Variants in BABAM2 observed in about 807,000 individuals in gnomAD.
BABAM2 encodes BRISC and BRCA1 A complex member 2.
BABAM2 carries 31 observed loss-of-function variants against 54.7 expected under a neutral mutation model. That is an observed-to-expected ratio of 0.57 (90% CI 0.43 to 0.77). The LOEUF is 0.77. Among genes scored for constraint, BABAM2 ranks in the 30% least tolerant of loss-of-function variants. The pLI is 0.00. For missense variants in BABAM2, 364 were observed against 455.8 expected, an observed-to-expected ratio of 0.80 and a Z score of 1.83; for synonymous variants, 167 against 162.9, an observed-to-expected ratio of 1.03 and a Z score of -0.19.
upstream of BABAM2, chr2:27,890,418 A>T: frequency 1.4e-6 from 2 of 1,429,606 alleles, no homozygotes; most frequent in Non-Finnish European, 1.9e-6. The surrounding 1 kb of genome is among the most constrained non-coding windows in gnomAD (Gnocchi z 4.8). Context: ...CAGAGACGCC[A>T]CTCCTGCCCT....
intron 7 of BABAM2, among the ~76,000 whole-genome samples, chr2:28,222,436 G>A (rs1171301021): frequency 1.3e-5 from 2 of 152,172 alleles, no homozygotes; most frequent in African/African-American, 2.4e-5. Context: ...GTGATTCCAC[G>A]TGAGTCTGAG....
chr2:27,937,869 A>G (rs1261349544), intron 3 of BABAM2, among the ~76,000 whole-genome samples: 1 of 152,216 alleles, frequency 6.6e-6, no homozygotes, highest in Non-Finnish European at 1.5e-5. Flanking sequence ...TTTTCCAAAA[A>G]ATTCTTACTG....
chr2:28,026,865 T>TATATATAA (rs1675788045), intron 5 of BABAM2, among the ~76,000 whole-genome samples: 89 of 49,566 alleles, frequency 1.8e-3, no homozygotes, highest in Admixed American at 2.9e-3. Flanking sequence ...TATATATAGA[T>TATATATAA]ATATATATTT....
At chr2:28,184,280 CT>C (rs1417219668) in intron 7 of BABAM2, among the ~76,000 whole-genome samples, 1 of 123,124 alleles carries the variant, frequency 8.1e-6, no homozygotes, top group Non-Finnish European at 1.7e-5. Flanking sequence ...CTCTCTCTCT[CT>C]CTCTCCCCCC....
chr2:28,045,645 A>T, intron 5 of BABAM2, 80 bp from the exon 6 acceptor site: 1 of 1,268,884 alleles, frequency 7.9e-7, no homozygotes, highest in Non-Finnish European at 1.1e-6. Flanking sequence ...GAACAGGTTG[A>T]ACTTGTGGCC....
At chr2:27,897,427 C>G (rs1665422638) in intron 2 of BABAM2, among the ~76,000 whole-genome samples, 1 of 152,090 alleles carries the variant, frequency 6.6e-6, no homozygotes, top group African/African-American at 2.4e-5. Flanking sequence ...ACTTATGGAG[C>G]ATTTACTATT....
intron 10 of BABAM2, among the ~76,000 whole-genome samples, chr2:28,251,411 A>T (rs936450630): frequency 6.6e-6 from 1 of 152,218 alleles, no homozygotes; most frequent in Non-Finnish European, 1.5e-5. Context: ...TTATTGCTAC[A>T]AATGCTTCTG....
chr2:28,306,550 A>AT (rs1386488209), intron 11 of BABAM2, among the ~76,000 whole-genome samples: 146 of 151,732 alleles, frequency 9.6e-4, no homozygotes, highest in African/African-American at 3.5e-3. Context: ...TCTTCTGTGT[A>AT]TTTTTTACAT....
At chr2:28,327,307 GT>G in intron 11 of BABAM2, 2 of 1,611,774 alleles carry the variant, frequency 1.2e-6, no homozygotes, top group Non-Finnish European at 1.7e-6. Context: ...CCTGCAGCCC[GT>G]GGGAGCAAGT....
chr2:28,154,110 C>T (rs1056346456), intron 7 of BABAM2, among the ~76,000 whole-genome samples: 7 of 152,142 alleles, frequency 4.6e-5, no homozygotes, highest in Admixed American at 1.3e-4. Context: ...CTTCCTGGGT[C>T]GTAGATCACT....
intron 1 of BABAM2, among the ~76,000 whole-genome samples, chr2:27,891,879 A>G (rs1388975988): frequency 1.3e-5 from 2 of 152,152 alleles, no homozygotes. Context: ...GTTGTCACTT[A>G]GTATGGTTTG....
chr2:28,152,230 T>C (rs1672122709), intron 7 of BABAM2, among the ~76,000 whole-genome samples: 2 of 152,220 alleles, frequency 1.3e-5, no homozygotes, highest in Non-Finnish European at 2.9e-5. Context: ...GCCATGTGCC[T>C]CTAAGAGCTT....
intron 7 of BABAM2, among the ~76,000 whole-genome samples, chr2:28,192,602 A>G: frequency 6.8e-6 from 1 of 148,130 alleles, no homozygotes; most frequent in African/African-American, 2.5e-5. Context: ...GCTCACTGCA[A>G]CCTCTGCCTC....
At chr2:28,136,273 C>T (rs1386962691) in intron 7 of BABAM2, among the ~76,000 whole-genome samples, 2 of 152,200 alleles carry the variant, frequency 1.3e-5, no homozygotes, top group African/African-American at 2.4e-5. Context: ...ATTTCCTGAC[C>T]GCCACTGCCT....
chr2:28,297,486 A>T (rs368978606), intron 10 of BABAM2, among the ~76,000 whole-genome samples: 1 of 152,284 alleles, frequency 6.6e-6, no homozygotes, highest in Admixed American at 6.5e-5. Flanking sequence ...TGTGTTTTTA[A>T]TGATGATTTG....
intron 7 of BABAM2, among the ~76,000 whole-genome samples, chr2:28,210,460 A>G (rs943633289): frequency 1.3e-5 from 2 of 152,126 alleles, no homozygotes; most frequent in African/African-American, 2.4e-5. Context: ...TCATCGAGGT[A>G]TGGTGATGGT....
intron 2 of BABAM2, among the ~76,000 whole-genome samples, chr2:27,904,555 A>C (rs1198755536): frequency 6.6e-6 from 1 of 152,244 alleles, no homozygotes. Flanking sequence ...TTAGAGATGC[A>C]TTCTTTAACA....
intron 2 of BABAM2, among the ~76,000 whole-genome samples, chr2:27,906,640 A>C (rs1361134808): frequency 2.0e-5 from 3 of 152,086 alleles, no homozygotes; most frequent in Non-Finnish European, 4.4e-5. Flanking sequence ...GGTGGTTCTG[A>C]TCTTGGGCTT....
chr2:28,205,023 T>A (rs1678688025), intron 7 of BABAM2, among the ~76,000 whole-genome samples: 1 of 151,994 alleles, frequency 6.6e-6, no homozygotes, highest in Non-Finnish European at 1.5e-5. Context: ...CTGCTGTCAT[T>A]CTTTTCTATT....
Sources: gnomAD v4.1 joint callset for allele counts (sites outside exome capture counted in the v4.1 genomes callset) on GRCh38, gnomAD v4.1.1 for gene constraint, Gnocchi (gnomAD v3.1) non-coding constraint, MANE v1.5 for transcripts, NCBI Gene and HGNC (gene_info 2026-07-23, HGNC 2026-07-21) for gene names.